The following FAM135B variants were observed in gnomAD, a reference collection of about 807,000 sequenced individuals.
The protein encoded by FAM135B is family with sequence similarity 135 member B.
In FAM135B, 43 loss-of-function variants were observed where a neutral mutation model predicts 127.7. The observed-to-expected ratio is 0.34, with a 90% CI of 0.26 to 0.43. The LOEUF (loss-of-function observed/expected upper bound fraction) is 0.43, where lower values mean the gene tolerates loss of function less well. Among genes scored for constraint, FAM135B ranks in the 20% least tolerant of loss-of-function variants. The pLI, the probability that FAM135B is intolerant of heterozygous loss-of-function variation, is 1.00. For synonymous variants in FAM135B, 670 were observed against 665.1 expected (o/e 1.01, Z -0.11); for missense variants, 1,558 against 1,725.6 (o/e 0.90, Z 1.72).
intron 8 of FAM135B, among the ~76,000 whole-genome samples, chr8:138,196,077 G>A (rs1816603918): frequency 6.6e-6 from 1 of 152,214 alleles, no homozygotes; most frequent in Admixed American, 6.5e-5. Context: ...TGATACATTA[G>A]TCACGGCTAT....
chr8:138,352,782 A>C (rs1418320037), intron 2 of FAM135B, among the ~76,000 whole-genome samples: 1 of 25,048 alleles, frequency 4.0e-5, no homozygotes, highest in Non-Finnish European at 7.4e-5. Context: ...ATGGTTCTAT[A>C]GCTCCCTAAT....
intron 1 of FAM135B, among the ~76,000 whole-genome samples, chr8:138,474,393 G>T (rs927683303): frequency 6.6e-6 from 1 of 152,150 alleles, no homozygotes; most frequent in Non-Finnish European, 1.5e-5. Flanking sequence ...TGTTTGTAAG[G>T]AACAAGTGAG....
At chr8:138,347,069 A>C (rs1253827551) in intron 2 of FAM135B, among the ~76,000 whole-genome samples, 2 of 151,904 alleles carry the variant, frequency 1.3e-5, no homozygotes, top group Non-Finnish European at 2.9e-5. Context: ...AAATACATGA[A>C]CAAAAGGAAG....
chr8:138,490,565 G>A (rs1418065569), intron 1 of FAM135B, among the ~76,000 whole-genome samples: 3 of 152,092 alleles, frequency 2.0e-5, no homozygotes, highest in East Asian at 1.9e-4. Context: ...ACTTCCTGTC[G>A]AAACAGCTGC....
chr8:138,340,215 T>C (rs1433635646), intron 2 of FAM135B, among the ~76,000 whole-genome samples: 1 of 152,166 alleles, frequency 6.6e-6, no homozygotes. Context: ...ATAATTCATG[T>C]TCCCCACTGT....
chr8:138,294,085 G>A lies in FAM135B; in HGVS notation c.157+16756C>T, dbSNP rs543933949. On this transcript the variant is annotated intron_variant, in intron 3 of 19. Coordinates refer to ENST00000395297, the MANE Select transcript of FAM135B (RefSeq NM_015912.4). ...TCAGCCATAAAAAGAATAAAATGAT[G>A]TATTTTGCAATAACTCAGGTGGAGT... 1.8e-4 allele frequency among the ~76,000 whole-genome samples: 27 copies of A among 152,248 alleles called. No individual in the cohort carries two copies. In the South Asian group the frequency reaches 5.4e-3, roughly 30 times the overall value.
At chr8:138,343,519 C>G (rs532817754) in intron 2 of FAM135B, among the ~76,000 whole-genome samples, 12 of 152,276 alleles carry the variant, frequency 7.9e-5, no homozygotes, top group African/African-American at 2.4e-4. Context: ...CAGGAACTGT[C>G]TTCACCTCTT....
chr8:138,419,882 C>T lies in FAM135B; in HGVS notation c.-19-51880G>A, dbSNP rs114995801. On this transcript the variant is annotated intron_variant, in intron 1 of 19. Transcript: ENST00000395297. ...AGTTAATAGTGCTAAACACCTACAT[C>T]AAGTTACAGAAAGGTCTCAAATTAA... is the stretch of plus-strand genomic sequence containing the variant. Among the ~76,000 whole-genome samples the T allele has an allele frequency of 9.4e-3, 1,431 of 152,124 alleles. 18 individuals carry two copies. Among genetic ancestry groups the T allele is most frequent in the African/African-American group, 0.033 (1,375 of 41,508 alleles).
chr8:138,474,745 A>AT (rs1201278624), intron 1 of FAM135B, among the ~76,000 whole-genome samples: 4 of 152,034 alleles, frequency 2.6e-5, no homozygotes, highest in Non-Finnish European at 5.9e-5. Flanking sequence ...TTTCTGTTAT[A>AT]TTTTGTAAAT....
chr8:138,334,157 A>G (rs1423645656), intron 2 of FAM135B, among the ~76,000 whole-genome samples: 1 of 152,132 alleles, frequency 6.6e-6, no homozygotes, highest in Non-Finnish European at 1.5e-5. Context: ...TCCTGACCTC[A>G]GGTGATCCAC....
intron 1 of FAM135B, among the ~76,000 whole-genome samples, chr8:138,469,861 T>C (rs1837582740): frequency 1.3e-5 from 2 of 152,184 alleles, no homozygotes; most frequent in Admixed American, 6.5e-5. Flanking sequence ...GCTAGCAGCA[T>C]TAATTGGGAA....
rs11990139 is a variant in FAM135B at position 138,199,586 on chromosome 8, G to A, written c.670-1917C>T. ...TGTGGGTTACCCTATGTATTAGTTC[G>A]TTTTCACAGTGCTATAAAGAAATAC... is the stretch of plus-strand genomic sequence containing the variant. On this transcript the variant is annotated intron_variant, in intron 7 of 19. Coordinates refer to ENST00000395297, the MANE Select transcript of FAM135B (RefSeq NM_015912.4). Among the ~76,000 whole-genome samples the A allele has an allele frequency of 7.0e-3, 1,073 of 152,244 alleles. 20 individuals are homozygous for A. The highest frequency in any genetic ancestry group is 0.024 in the African/African-American group (996 of 41,534).
chr8:138,146,423 C>T (rs1341696184), intron 14 of FAM135B, among the ~76,000 whole-genome samples: 1 of 152,130 alleles, frequency 6.6e-6, no homozygotes, highest in Non-Finnish European at 1.5e-5. Context: ...CAATGCGACT[C>T]ATACGAGCCC....
intron 1 of FAM135B, among the ~76,000 whole-genome samples, chr8:138,432,223 T>C (rs138459080): frequency 6.6e-6 from 1 of 152,132 alleles, no homozygotes; most frequent in Non-Finnish European, 1.5e-5. Context: ...AAATGTTCCT[T>C]TATAAAACGT....
intron 7 of FAM135B, among the ~76,000 whole-genome samples, chr8:138,225,707 G>T: frequency 6.6e-6 from 1 of 152,148 alleles, no homozygotes. Context: ...CAGGGCAGAA[G>T]CTAAGCAAGG....
chr8:138,254,672 G>C (rs1261290512), intron 5 of FAM135B, among the ~76,000 whole-genome samples: 1 of 152,158 alleles, frequency 6.6e-6, no homozygotes, highest in East Asian at 1.9e-4. Context: ...GATTCCTCAA[G>C]TCTCTACACT....
chr8:138,308,263 A>G (rs1280270236), intron 3 of FAM135B, among the ~76,000 whole-genome samples: 1 of 152,218 alleles, frequency 6.6e-6, no homozygotes, highest in African/African-American at 2.4e-5. Flanking sequence ...TCAGACACAG[A>G]TGAGTGAAGC....
chr8:138,238,385 TC>T (rs1025342648), intron 7 of FAM135B, among the ~76,000 whole-genome samples: 1 of 152,088 alleles, frequency 6.6e-6, no homozygotes, highest in African/African-American at 2.4e-5. Context: ...GGTAAATAAT[TC>T]CCCTAGTGTG....
At chr8:138,442,188 G>C (rs1835813960) in intron 1 of FAM135B, among the ~76,000 whole-genome samples, 1 of 128,890 alleles carries the variant, frequency 7.8e-6, no homozygotes, top group Non-Finnish European at 1.6e-5. Flanking sequence ...TCTTAGCCTA[G>C]CATCTTCAAT....
Sources: allele counts gnomAD v4.1 joint callset (sites outside exome capture counted in the v4.1 genomes callset), GRCh38; gene constraint gnomAD v4.1.1; transcripts MANE v1.5; gene names NCBI Gene and HGNC (gene_info 2026-07-23, HGNC 2026-07-21).